SGCD: variants seen among roughly 807,000 people sequenced by gnomAD.
The protein encoded by SGCD is delta-sarcoglycan.
A neutral mutation model predicts 36.6 loss-of-function variants in SGCD; 18 were observed. The observed-to-expected ratio is 0.49, with a 90% CI of 0.34 to 0.73. SGCD has a LOEUF of 0.73. Among genes scored for constraint, SGCD ranks in the 30% least tolerant of loss-of-function variants. The pLI is 0.01. For synonymous variants in SGCD, 133 were observed against 130.6 expected (o/e 1.02, Z -0.12); for missense variants, 387 against 346.7 (o/e 1.12, Z -0.92).
chr5:156,504,771 A>G (rs897036801), intron 3 of SGCD, among the ~76,000 whole-genome samples: 1 of 152,234 alleles, frequency 6.6e-6, no homozygotes. Context: ...CACAGAGTAT[A>G]GTAAGTCAGT....
chr5:156,710,195 C>T (rs1300135802), intron 7 of SGCD, among the ~76,000 whole-genome samples: 1 of 152,104 alleles, frequency 6.6e-6, no homozygotes, highest in Admixed American at 6.5e-5. Context: ...TATACATAAA[C>T]CAAGGCTTGA....
At chr5:156,578,139 G>T (rs987773463) in intron 4 of SGCD, among the ~76,000 whole-genome samples, 1 of 152,280 alleles carries the variant, frequency 6.6e-6, no homozygotes, top group East Asian at 1.9e-4. Flanking sequence ...GTTGAATTTT[G>T]TCAAAGGCTT....
In SGCD at chr5:156,597,468, C is replaced by A. The variant is rs747279043; in HGVS notation, c.502+2417C>A. ...AAGAGAGCACATGCAGGAAAACTGC[C>A]CTTTATGCAACCATCAGATCTCATG... is the stretch of plus-strand genomic sequence containing the variant. On this transcript the variant is annotated intron_variant, in intron 6 of 8. Transcript: ENST00000337851. Among the ~76,000 whole-genome samples the A allele has an allele frequency of 1.2e-4, 19 of 152,148 alleles. 1 individual carries two copies. The highest frequency in any genetic ancestry group is 2.4e-5 in the African/African-American group (1 of 41,422).
At chr5:156,017,256 A>G (rs985862203) in intron 1 of SGCD, among the ~76,000 whole-genome samples, 20 of 152,164 alleles carry the variant, frequency 1.3e-4, no homozygotes, top group Admixed American at 3.9e-4. Context: ...ATGACGCTGC[A>G]AATATCTTCT....
At chr5:156,274,616 A>G (rs1273188487) in intron 3 of SGCD, among the ~76,000 whole-genome samples, 1 of 152,190 alleles carries the variant, frequency 6.6e-6, no homozygotes, top group African/African-American at 2.4e-5. Context: ...TTATCATAAC[A>G]AATGACTAAA....
chr5:156,404,623 T>A (rs1351831317), intron 3 of SGCD, among the ~76,000 whole-genome samples: 8 of 152,210 alleles, frequency 5.3e-5, no homozygotes, highest in African/African-American at 1.9e-4. Flanking sequence ...GACCAGCTTC[T>A]GTCTCAAAAC....
At chr5:156,128,863 A>G (rs1762243947) in intron 3 of SGCD, among the ~76,000 whole-genome samples, 1 of 152,240 alleles carries the variant, frequency 6.6e-6, no homozygotes, top group South Asian at 2.1e-4. Context: ...ATTGACTAAT[A>G]TAGTAGAATA....
At chr5:156,221,267 G>T (rs1414608294) in intron 3 of SGCD, among the ~76,000 whole-genome samples, 1 of 152,084 alleles carries the variant, frequency 6.6e-6, no homozygotes, top group Non-Finnish European at 1.5e-5. Context: ...TAGAAGGTGA[G>T]ACGGTACAAT....
intron 3 of SGCD, among the ~76,000 whole-genome samples, chr5:156,223,758 C>T (rs1764780335): frequency 6.6e-6 from 1 of 151,982 alleles, no homozygotes. Context: ...ATAGAAGTGG[C>T]ATTGCTGGCT....
chr5:155,920,108 C>T (rs1345228901), intron 1 of SGCD, among the ~76,000 whole-genome samples: 1 of 152,152 alleles, frequency 6.6e-6, no homozygotes, highest in East Asian at 1.9e-4. Flanking sequence ...GCCTCAGACA[C>T]CCCATTTAGC....
chr5:156,714,641 C>T (rs768356250), intron 7 of SGCD, among the ~76,000 whole-genome samples: 13 of 152,164 alleles, frequency 8.5e-5, no homozygotes, highest in Non-Finnish European at 1.5e-4. Flanking sequence ...ACTTAGTACC[C>T]GTGATTCCAG....
the SGCD span, among the ~76,000 whole-genome samples, chr5:155,731,182 TAGAA>T: frequency 1.2e-4 from 18 of 145,848 alleles, no homozygotes; most frequent in Admixed American, 2.7e-4. Flanking sequence ...CACACAGAGA[TAGAA>T]AGAGAGAGGG....
At chr5:156,022,873 T>A (rs1253214241) in intron 1 of SGCD, among the ~76,000 whole-genome samples, 1 of 152,202 alleles carries the variant, frequency 6.6e-6, no homozygotes, top group South Asian at 2.1e-4. Flanking sequence ...TGGAAAATAA[T>A]CTTCTGCTGT....
At chr5:156,121,133 A>C (rs1762029484) in intron 2 of SGCD, among the ~76,000 whole-genome samples, 3 of 152,254 alleles carry the variant, frequency 2.0e-5, no homozygotes, top group African/African-American at 7.2e-5. Flanking sequence ...TACAAAAGCA[A>C]TGTCATATGA....
chr5:156,693,343 CCT>C (rs1364476918), intron 7 of SGCD, among the ~76,000 whole-genome samples: 1 of 152,036 alleles, frequency 6.6e-6, no homozygotes, highest in Non-Finnish European at 1.5e-5. Flanking sequence ...TCTCACTGAC[CCT>C]GTCAGAGAGA....
the SGCD span, among the ~76,000 whole-genome samples, chr5:155,780,008 C>T: frequency 7.2e-5 from 11 of 152,106 alleles, no homozygotes; most frequent in East Asian, 1.9e-3. Context: ...AAAGGACACA[C>T]ATTAATTCAC....
At chr5:156,743,012 A>C (rs1222672208) in intron 7 of SGCD, among the ~76,000 whole-genome samples, 5 of 152,182 alleles carry the variant, frequency 3.3e-5, no homozygotes, top group Non-Finnish European at 7.3e-5. Flanking sequence ...TTGAAAAATA[A>C]AATTAACCAT....
At chr5:156,073,706 C>G (rs1581080805) in intron 1 of SGCD, among the ~76,000 whole-genome samples, 1 of 152,232 alleles carries the variant, frequency 6.6e-6, no homozygotes, top group Admixed American at 6.5e-5. Flanking sequence ...CACATGTTCT[C>G]TACCCATGAA....
chr5:156,268,260 T>C (rs1439042279), intron 3 of SGCD, among the ~76,000 whole-genome samples: 1 of 152,220 alleles, frequency 6.6e-6, no homozygotes, highest in Admixed American at 6.5e-5. Flanking sequence ...ATTGATTCCA[T>C]GTCTTTGCTA....
Sources: gnomAD v4.1 joint callset for allele counts (sites outside exome capture counted in the v4.1 genomes callset) on GRCh38, gnomAD v4.1.1 for gene constraint, MANE v1.5 for transcripts, NCBI Gene and HGNC (gene_info 2026-07-23, HGNC 2026-07-21) for gene names.